Variants in FCRL3 observed in about 807,000 individuals in gnomAD.
FCRL3 encodes the protein Fc receptor-like protein 3.
In FCRL3, 89 loss-of-function variants were observed where a neutral mutation model predicts 75.0. The observed-to-expected ratio is 1.19, with a 90% CI of 1.00 to 1.42. FCRL3 has a LOEUF of 1.42. Among genes scored for constraint, FCRL3 ranks in the 40% most tolerant of loss-of-function variants. The pLI is 0.00. For missense variants in FCRL3, 946 were observed against 880.0 expected (o/e 1.07, Z -0.95); for synonymous variants, 376 against 348.5 (o/e 1.08, Z -0.88).
intron 10 of FCRL3, 136 bp downstream of exon 10, chr1:157,689,662 A>T: frequency 8.8e-7 from 1 of 1,137,070 alleles, no homozygotes; most frequent in South Asian, 2.1e-5. Context: ...AATTGCCTAC[A>T]GAGTGACAGT....
At chr1:157,685,546 A>C (rs1234599311) in intron 10 of FCRL3, among the ~76,000 whole-genome samples, 1 of 152,134 alleles carries the variant, frequency 6.6e-6, no homozygotes, top group Non-Finnish European at 1.5e-5. Context: ...ACTGACAAAG[A>C]AACTCTGGAC....
intron 10 of FCRL3, among the ~76,000 whole-genome samples, chr1:157,688,305 T>C (rs757168117): frequency 6.6e-6 from 1 of 152,146 alleles, no homozygotes; most frequent in Non-Finnish European, 1.5e-5. Context: ...AGACAAAGAC[T>C]GTTTCACAGT....
rs1013020228 is a variant in FCRL3, at chr1:157,676,482, A to C, written c.*2228T>G. On this transcript the variant is annotated 3_prime_UTR_variant, in exon 15 of 15. Transcript: ENST00000368184. ...TGTGAGAAAGACAGTGGAAACTGGT[A>C]CTTTTTCCAATGGTCTTTTATTTTC... The C allele has an allele frequency of 2.3e-6, 1 of 438,564 alleles. No homozygotes were observed. The highest frequency in any genetic ancestry group is 4.1e-6 in the Non-Finnish European group (1 of 242,302). 27.2% of individuals were successfully genotyped at this position (438,564 alleles called of 1,614,324 possible).
At chr1:157,689,382 T>G (rs1279614978) in intron 10 of FCRL3, among the ~76,000 whole-genome samples, 2 of 152,236 alleles carry the variant, frequency 1.3e-5, no homozygotes, top group African/African-American at 4.8e-5. Flanking sequence ...AATTGAATTT[T>G]TAATCTCATT....
rs1654526381 is a variant in FCRL3 at position 157,677,383 on chromosome 1, T to A, written c.*1327A>T. 3.0e-6 allele frequency: 3 copies of A among 985,924 alleles called. No individual in the cohort carries two copies. Among genetic ancestry groups the A allele is most frequent in the Non-Finnish European group, 3.6e-6 (3 of 830,270 alleles). 61.1% of individuals were successfully genotyped at this position (985,924 alleles called of 1,614,324 possible). ...AAGATGTGGTGCTTTGAAAGGGACT[T>A]GGTGTTCCTACATGAACCAAGTGAA... On this transcript the variant is annotated 3_prime_UTR_variant, in exon 15 of 15. Transcript: ENST00000368184.
intron 10 of FCRL3, among the ~76,000 whole-genome samples, chr1:157,685,331 C>A (rs1472821488): frequency 6.6e-6 from 1 of 151,934 alleles, no homozygotes; most frequent in Non-Finnish European, 1.5e-5. Flanking sequence ...AGCCCTAAAG[C>A]AATCACCAGA....
chr1:157,694,515 G>C (rs1655764860), intron 8 of FCRL3, among the ~76,000 whole-genome samples: 1 of 152,138 alleles, frequency 6.6e-6, no homozygotes, highest in Admixed American at 6.6e-5. Context: ...GTGTGACTGG[G>C]AATTATTACC....
Position 157,700,495 on chromosome 1 carries a change from C to A in FCRL3, c.-6G>T, listed in dbSNP as rs937244952. The A allele has an allele frequency of 1.3e-5, 21 of 1,614,022 alleles. No homozygotes were observed. Among genetic ancestry groups the A allele is most frequent in the Non-Finnish European group, 1.7e-5 (20 of 1,179,958 alleles). ...AGCAGCAGCCACAGAAGCATGGGCACCGGCCGGGCAGAGGGTTGGGAAAGT... is the reference window on the plus strand; with the variant it reads ...AGCAGCAGCCACAGAAGCATGGGCAACGGCCGGGCAGAGGGTTGGGAAAGT... On this transcript the variant is annotated 5_prime_UTR_variant, in exon 2 of 15. Transcript: ENST00000368184.
rs1656095834 is a variant in FCRL3, at chr1:157,698,374, C to T, written c.298+10G>A. The T allele has an allele frequency of 6.2e-7, 1 of 1,614,082 alleles. No individual in the cohort carries two copies. Among genetic ancestry groups the T allele is most frequent in the African/African-American group, 1.3e-5 (1 of 75,056 alleles). On this transcript the variant is annotated intron_variant, in intron 4 of 14. Transcript: ENST00000368184. Reference sequence around the variant, plus strand: ...GGCTTGACTTTAGACACTCCCCTTCCATTCCTCACCAGGTGAAAATTCCAC... The same window carrying T: ...GGCTTGACTTTAGACACTCCCCTTCTATTCCTCACCAGGTGAAAATTCCAC...
intron 10 of FCRL3, among the ~76,000 whole-genome samples, chr1:157,684,252 TC>T (rs1415067373): frequency 1.3e-5 from 2 of 152,176 alleles, no homozygotes; most frequent in African/African-American, 2.4e-5. Flanking sequence ...TTATCCAGGT[TC>T]CCATCCTTGT....
At chr1:157,683,718 A>C (rs1434553966) in intron 10 of FCRL3, among the ~76,000 whole-genome samples, 2 of 151,880 alleles carry the variant, frequency 1.3e-5, no homozygotes, top group African/African-American at 4.8e-5. Context: ...GTGACCCCTC[A>C]CCCCTGCAAG....
intron 8 of FCRL3, among the ~76,000 whole-genome samples, chr1:157,692,978 A>C (rs376041706): frequency 6.6e-6 from 1 of 152,206 alleles, no homozygotes; most frequent in African/African-American, 2.4e-5. Flanking sequence ...TGTTCGATAG[A>C]AATTCAACAT....
chr1:157,683,355 A>G, intron 10 of FCRL3, 111 bp from the exon 11 acceptor site: 1 of 1,350,690 alleles, frequency 7.4e-7, no homozygotes, highest in Non-Finnish European at 1.0e-6. Context: ...TAAGCTACGG[A>G]AAAACTCAAG....
chr1:157,681,692 A>G (rs12069370), intron 11 of FCRL3, among the ~76,000 whole-genome samples: 40,047 of 151,774 alleles, frequency 0.26, 5,966 homozygotes, highest in African/African-American at 0.41. Context: ...GAATAGTGCC[A>G]CAATAAACAT....
chr1:157,699,946 C>A (rs1427634339), intron 2 of FCRL3, among the ~76,000 whole-genome samples: 3 of 152,208 alleles, frequency 2.0e-5, no homozygotes, highest in Non-Finnish European at 2.9e-5. Context: ...ACACTTTATT[C>A]TCTCCTTCTC....
chr1:157,696,060 C>G lies in FCRL3; in HGVS notation c.1112G>C (p.Trp371Ser), dbSNP rs769911717. The change falls in exon 7 of 15, where the codon TGG (tryptophan) becomes TCG (serine). Residue 371 changes from tryptophan to serine, a missense_variant. Trp to Ser is a radical substitution (Grantham distance 177, BLOSUM62 -3). Transcript: ENST00000368184. ...DNVHSPILST[W>S]IRVTVRIPVS... is the part of the protein sequence containing the mutation. The stretch of plus-strand genomic sequence containing the variant: ...CTTACTTCTCACGGTGACTCGAATC[C>G]ACGTGCTGAGGATGGGGCTGTGAAC... 2 of 1,611,126 alleles carry G rather than the reference C, an allele frequency of 1.2e-6. No homozygotes were observed. The highest frequency in any genetic ancestry group is 2.2e-5 in the South Asian group (2 of 90,948).
In FCRL3 at chr1:157,683,447, G is replaced by A. The variant is rs528949405; in HGVS notation, c.1811-203C>T. Among the ~76,000 whole-genome samples, 3 of 152,266 alleles carry A rather than the reference G, an allele frequency of 2.0e-5. No homozygotes were observed. In the South Asian group the frequency reaches 6.2e-4, roughly 32 times the overall value. The stretch of plus-strand genomic sequence containing the variant: ...TGGGGTCTTGAAAGGCATTTGCCCA[G>A]AGTCACACTCATTCTGAATCATTTT... On this transcript the variant is annotated intron_variant, in intron 10 of 14. Transcript: ENST00000368184.
In FCRL3 at chr1:157,678,042, T is replaced by C; in HGVS notation, c.*668A>G. The C allele has an allele frequency of 2.0e-6, 2 of 985,444 alleles. No homozygotes were observed. Among genetic ancestry groups the C allele is most frequent in the Non-Finnish European group, 2.4e-6 (2 of 829,970 alleles). 61.0% of individuals were successfully genotyped at this position (985,444 alleles called of 1,614,324 possible). On this transcript the variant is annotated 3_prime_UTR_variant, in exon 15 of 15. Coordinates refer to ENST00000368184, the MANE Select transcript of FCRL3 (RefSeq NM_052939.4). The stretch of plus-strand genomic sequence containing the variant: ...CATGAAGCAAAAATTACAATTAATG[T>C]GATTCTTCACACATAAGGTCTTTGC...
intron 8 of FCRL3, 100 bp downstream of exon 8, chr1:157,695,229 C>G: frequency 8.0e-7 from 1 of 1,246,396 alleles, no homozygotes; most frequent in South Asian, 1.4e-5. Context: ...AGTGGGAAGT[C>G]TATTGGGATA....
Sources: gnomAD v4.1 joint callset for allele counts (sites outside exome capture counted in the v4.1 genomes callset) on GRCh38, gnomAD v4.1.1 for gene constraint, MANE v1.5 for transcripts, NCBI Gene and HGNC (gene_info 2026-07-23, HGNC 2026-07-21) for gene names.